The following AFG2A variants were observed in gnomAD, a reference collection of about 807,000 sequenced individuals.
AFG2A encodes ATPase family gene 2 protein homolog A.
At chr4:123,076,852 T>C in the AFG2A span, among the ~76,000 whole-genome samples, 25 of 151,742 alleles carry the variant, frequency 1.6e-4, 1 homozygote, top group African/African-American at 6.1e-4. Context: ...ATCTTCAGAA[T>C]ACTCCCATCT....
chr4:123,283,637 G>A, the AFG2A span, among the ~76,000 whole-genome samples: 4 of 152,130 alleles, frequency 2.6e-5, no homozygotes, highest in Non-Finnish European at 4.4e-5. Context: ...AAGCCCACAA[G>A]CTAAGAATGT....
chr4:123,017,303 G>A, the AFG2A span, among the ~76,000 whole-genome samples: 5 of 151,648 alleles, frequency 3.3e-5, no homozygotes, highest in African/African-American at 7.3e-5. Context: ...TTTAATCAAC[G>A]GGAGAGAGTC....
the AFG2A span, among the ~76,000 whole-genome samples, chr4:123,111,449 T>C: frequency 6.6e-6 from 1 of 152,202 alleles, no homozygotes; most frequent in Admixed American, 6.5e-5. Flanking sequence ...TGATAAAGTT[T>C]GTATATTAAA....
At chr4:122,943,279 T>G in the AFG2A span, among the ~76,000 whole-genome samples, 2 of 152,232 alleles carry the variant, frequency 1.3e-5, no homozygotes, top group Non-Finnish European at 2.9e-5. Context: ...TAAGTCTCTT[T>G]GTAGGTCACT....
the AFG2A span, among the ~76,000 whole-genome samples, chr4:123,017,186 GGAAA>G: frequency 1.6e-5 from 1 of 62,716 alleles, no homozygotes. Flanking sequence ...GGGGGGAGAG[GGAAA>G]GGGAGAGGGA....
chr4:123,004,798 GTA>G, the AFG2A span, among the ~76,000 whole-genome samples: 1 of 152,144 alleles, frequency 6.6e-6, no homozygotes, highest in South Asian at 2.1e-4. Flanking sequence ...TGTAGAATTA[GTA>G]TTATTTTTCC....
At chr4:123,044,973 A>G in the AFG2A span, among the ~76,000 whole-genome samples, 1 of 151,850 alleles carries the variant, frequency 6.6e-6, no homozygotes, top group African/African-American at 2.4e-5. Context: ...TGTTTTCCTT[A>G]AAATTCTTTT....
the AFG2A span, among the ~76,000 whole-genome samples, chr4:123,116,756 AAC>A: frequency 6.6e-6 from 1 of 152,224 alleles, no homozygotes; most frequent in Non-Finnish European, 1.5e-5. Context: ...TAAACACATA[AAC>A]ACAGTCTTCG....
At chr4:123,122,604 C>G in the AFG2A span, among the ~76,000 whole-genome samples, 25 of 152,222 alleles carry the variant, frequency 1.6e-4, no homozygotes, top group South Asian at 2.1e-3. Flanking sequence ...AGGGACTGTT[C>G]ATTACTTTTG....
the AFG2A span, among the ~76,000 whole-genome samples, chr4:123,110,489 C>T: frequency 6.6e-6 from 1 of 152,074 alleles, no homozygotes; most frequent in East Asian, 1.9e-4. Flanking sequence ...CATGTATATA[C>T]TGAATTTTAT....
the AFG2A span, among the ~76,000 whole-genome samples, chr4:123,089,360 T>A: frequency 6.6e-6 from 1 of 152,224 alleles, no homozygotes; most frequent in Non-Finnish European, 1.5e-5. Context: ...CTCCTTCTAC[T>A]TTACGTCCTC....
the AFG2A span, among the ~76,000 whole-genome samples, chr4:123,266,228 T>TAACCA: frequency 6.6e-6 from 1 of 152,134 alleles, no homozygotes; most frequent in East Asian, 1.9e-4. Context: ...GTACCCTGGG[T>TAACCA]TATGGAATGA....
chr4:123,224,120 T>C, the AFG2A span, among the ~76,000 whole-genome samples: 2 of 152,198 alleles, frequency 1.3e-5, no homozygotes, highest in Non-Finnish European at 2.9e-5. Flanking sequence ...GGGTCCAATT[T>C]CATTGTTTTG....
At chr4:123,074,095 A>AT in the AFG2A span, among the ~76,000 whole-genome samples, 43 of 102,054 alleles carry the variant, frequency 4.2e-4, 2 homozygotes, top group Admixed American at 8.8e-4. Context: ...CTCAGATAGT[A>AT]TTTTTTTTTT....
the AFG2A span, among the ~76,000 whole-genome samples, chr4:123,190,075 C>T: frequency 6.6e-6 from 1 of 152,098 alleles, no homozygotes; most frequent in Non-Finnish European, 1.5e-5. Flanking sequence ...GCTGGGATTA[C>T]AGGTGTGAGA....
chr4:123,060,443 C>T, the AFG2A span, among the ~76,000 whole-genome samples: 1 of 152,332 alleles, frequency 6.6e-6, no homozygotes, highest in South Asian at 2.1e-4. Flanking sequence ...GGCGGAAGTT[C>T]CCAAACCTCA....
the AFG2A span, among the ~76,000 whole-genome samples, chr4:123,098,578 A>G: frequency 0.88 from 133,884 of 151,988 alleles, 59,174 homozygotes; most frequent in East Asian, 0.97. Flanking sequence ...TTGTGAGTTC[A>G]ACTTTTTAAG....
chr4:123,103,127 T>C, the AFG2A span, among the ~76,000 whole-genome samples: 2 of 152,030 alleles, frequency 1.3e-5, no homozygotes, highest in African/African-American at 2.4e-5. Context: ...TCTACTGCGT[T>C]TAGAGGCTCC....
At chr4:123,095,049 A>ATATATG in the AFG2A span, among the ~76,000 whole-genome samples, 1 of 42,462 alleles carries the variant, frequency 2.4e-5, no homozygotes, top group Non-Finnish European at 6.9e-5. Flanking sequence ...AAAAATATAT[A>ATATATG]TATATATATA....
Sources: allele counts gnomAD v4.1 joint callset (sites outside exome capture counted in the v4.1 genomes callset), GRCh38; gene constraint gnomAD v4.1.1; transcripts MANE v1.5; gene names NCBI Gene and HGNC (gene_info 2026-07-23, HGNC 2026-07-21).